NLGN1: variants seen among roughly 807,000 people sequenced by gnomAD.
NLGN1 encodes neuroligin-1.
In NLGN1, 12 loss-of-function variants were observed where a neutral mutation model predicts 65.5. The observed-to-expected ratio is 0.18, with a 90% CI of 0.12 to 0.30. NLGN1 has a LOEUF of 0.30. Ranked by LOEUF, NLGN1 falls within the 10% of genes least tolerant of loss-of-function variation. NLGN1 has a pLI of 1.00. For missense variants in NLGN1, 750 were observed against 1,007.1 expected (o/e 0.74, Z 3.46); for synonymous variants, 350 against 359.5 (o/e 0.97, Z 0.30).
chr3:174,096,613 A>T (rs957427137), intron 4 of NLGN1, among the ~76,000 whole-genome samples: 3 of 152,152 alleles, frequency 2.0e-5, no homozygotes, highest in Non-Finnish European at 4.4e-5. Context: ...TTTAAATGAG[A>T]TGACATTTGT....
rs184625562 is a variant in NLGN1, at chr3:173,682,877, A to G, written c.493+77786A>G. Among the ~76,000 whole-genome samples the G allele has an allele frequency of 2.4e-4, 36 of 152,328 alleles. No individual in the cohort carries two copies. The Middle Eastern group carries it at 0.014, about 58-fold the overall frequency. On this transcript the variant is annotated intron_variant, in intron 3 of 6. Coordinates refer to ENST00000457714, the Ensembl canonical transcript of NLGN1. The stretch of plus-strand genomic sequence containing the variant: ...TCATGGATGTTGAAACCTGAGGTTC[A>G]TATCAAATTTAGATATCTCTTTAGT...
intron 2 of NLGN1, among the ~76,000 whole-genome samples, chr3:173,440,715 A>T (rs952236371): frequency 6.6e-6 from 1 of 152,164 alleles, no homozygotes; most frequent in Non-Finnish European, 1.5e-5. Flanking sequence ...AGGCTTTATT[A>T]TTCTATTTAT....
intron 3 of NLGN1, among the ~76,000 whole-genome samples, chr3:173,695,786 G>A (rs1560185646): frequency 6.6e-6 from 1 of 152,158 alleles, no homozygotes. Flanking sequence ...TATAAAGTGT[G>A]AAGAATAATA....
rs1056126349 is a variant in NLGN1, at chr3:173,995,645, T to G, written c.646+187813T>G. ...ATTAGTGTTAGACTTTTTTTGTTTT[T>G]TTTTTCTTTTTCTTTCATTCTTTTT... On this transcript the variant is annotated intron_variant, in intron 4 of 6. Transcript: ENST00000457714. 2.6e-5 allele frequency among the ~76,000 whole-genome samples: 4 copies of G among 151,828 alleles called. No individual in the cohort carries two copies. In the East Asian group the frequency reaches 7.7e-4, roughly 29 times the overall value.
chr3:174,146,534 T>G (rs1475478399), intron 4 of NLGN1, among the ~76,000 whole-genome samples: 1 of 152,088 alleles, frequency 6.6e-6, no homozygotes, highest in Non-Finnish European at 1.5e-5. Flanking sequence ...TAAAGATCAT[T>G]CAAATAAAAT....
At chr3:173,923,000 A>G (rs1451414944) in intron 4 of NLGN1, among the ~76,000 whole-genome samples, 1 of 152,150 alleles carries the variant, frequency 6.6e-6, no homozygotes, top group African/African-American at 2.4e-5. Context: ...CATACATACT[A>G]TATAATTATT....
intron 4 of NLGN1, among the ~76,000 whole-genome samples, chr3:174,133,925 CAT>C (rs1491024328): frequency 4.0e-5 from 6 of 150,330 alleles, no homozygotes; most frequent in African/African-American, 1.5e-4. Context: ...CACACACACA[CAT>C]ATTTTTTACT....
At chr3:173,663,859 CTTT>C (rs377287677) in intron 3 of NLGN1, among the ~76,000 whole-genome samples, 1 of 145,086 alleles carries the variant, frequency 6.9e-6, no homozygotes. Context: ...ATCACTGCTA[CTTT>C]TTTTTTTTTT....
chr3:173,713,126 C>T (rs1187418406), intron 3 of NLGN1, among the ~76,000 whole-genome samples: 1 of 152,064 alleles, frequency 6.6e-6, no homozygotes, highest in Admixed American at 6.6e-5. Flanking sequence ...TAAAAATATC[C>T]TCTCTTTGTA....
intron 4 of NLGN1, among the ~76,000 whole-genome samples, chr3:173,958,791 A>C (rs2152343039): frequency 6.6e-6 from 1 of 152,224 alleles, no homozygotes; most frequent in Admixed American, 6.5e-5. Context: ...GTTCATGCTG[A>C]GAGATGCCTG....
intron 4 of NLGN1, among the ~76,000 whole-genome samples, chr3:173,891,388 C>G (rs1234605790): frequency 2.0e-5 from 3 of 152,116 alleles, no homozygotes; most frequent in African/African-American, 7.2e-5. Flanking sequence ...TCTGCATAGT[C>G]AGAAAATCAT....
chr3:173,448,047 C>G (rs571173987), intron 2 of NLGN1, among the ~76,000 whole-genome samples: 39 of 152,098 alleles, frequency 2.6e-4, no homozygotes, highest in Non-Finnish European at 5.1e-4. Flanking sequence ...ATTGAATGCC[C>G]TTTATTTCCT....
chr3:173,871,382 C>A (rs993954399), intron 4 of NLGN1, among the ~76,000 whole-genome samples: 2 of 152,022 alleles, frequency 1.3e-5, no homozygotes, highest in Admixed American at 6.6e-5. Context: ...TTTGTATTAG[C>A]CCTCAGTGAT....
chr3:173,458,237 A>G (rs556986191), intron 2 of NLGN1, among the ~76,000 whole-genome samples: 1 of 152,116 alleles, frequency 6.6e-6, no homozygotes, highest in East Asian at 1.9e-4. Context: ...ATGAGTGCAA[A>G]AAGAAGAAAA....
intron 4 of NLGN1, among the ~76,000 whole-genome samples, chr3:174,106,595 G>A (rs1029275956): frequency 3.5e-4 from 53 of 152,024 alleles, no homozygotes; most frequent in African/African-American, 1.3e-3. Context: ...AAAAGGCAAA[G>A]AGAGATCCTG....
At chr3:174,205,886 A>G (rs2152782060) in intron 4 of NLGN1, among the ~76,000 whole-genome samples, 1 of 152,366 alleles carries the variant, frequency 6.6e-6, no homozygotes, top group Middle Eastern at 3.4e-3. Context: ...TCTCGTGAGT[A>G]TCACTGAAAT....
intron 2 of NLGN1, among the ~76,000 whole-genome samples, chr3:173,599,248 T>C (rs1750036623): frequency 6.6e-6 from 1 of 152,166 alleles, no homozygotes; most frequent in Admixed American, 6.6e-5. Flanking sequence ...ATTCATTTGC[T>C]GAAAGGCGTC....
chr3:173,704,326 C>T (rs1048817954), intron 3 of NLGN1, among the ~76,000 whole-genome samples: 1 of 152,074 alleles, frequency 6.6e-6, no homozygotes. Context: ...AAATGATGGT[C>T]AAAATTGGTG....
chr3:174,039,008 A>G (rs1731708516), intron 4 of NLGN1, among the ~76,000 whole-genome samples: 1 of 152,172 alleles, frequency 6.6e-6, no homozygotes, highest in Non-Finnish European at 1.5e-5. Context: ...TTTCCACAGG[A>G]TCTACCATAG....
Sources: gnomAD v4.1 joint callset for allele counts (sites outside exome capture counted in the v4.1 genomes callset) on GRCh38, gnomAD v4.1.1 for gene constraint, MANE v1.5 for transcripts, NCBI Gene and HGNC (gene_info 2026-07-23, HGNC 2026-07-21) for gene names.